SCRG1: variants seen among roughly 807,000 people sequenced by gnomAD.
The protein encoded by SCRG1 is stimulator of chondrogenesis 1, also known as scrapie-responsive protein 1.
Under a neutral mutation model 7.7 loss-of-function variants are expected in SCRG1, and 3 were observed. That is an observed-to-expected ratio of 0.39 (90% CI 0.18 to 1.01). The LOEUF (loss-of-function observed/expected upper bound fraction) is 1.01. Ranked by LOEUF, SCRG1 falls within the 50% of genes least tolerant of loss-of-function variation. The pLI is 0.36. For synonymous variants in SCRG1, 46 were observed against 41.2 expected, an observed-to-expected ratio of 1.12 and a Z score of -0.44; for missense variants, 110 against 117.2, an observed-to-expected ratio of 0.94 and a Z score of 0.28.
the SCRG1 span, among the ~76,000 whole-genome samples, chr4:173,471,212 T>C: frequency 6.6e-6 from 1 of 152,214 alleles, no homozygotes; most frequent in African/African-American, 2.4e-5. Context: ...TCATTCTGTA[T>C]AATGGCAAGC....
At chr4:173,477,192 C>G in the SCRG1 span, among the ~76,000 whole-genome samples, 3 of 152,148 alleles carry the variant, frequency 2.0e-5, no homozygotes, top group East Asian at 3.9e-4. Flanking sequence ...ATGCCTGCTG[C>G]TCACTTATCT....
upstream of SCRG1, among the ~76,000 whole-genome samples, chr4:173,409,831 C>T (rs567931019): frequency 4.6e-4 from 70 of 152,140 alleles, no homozygotes; most frequent in Admixed American, 4.6e-3. Flanking sequence ...TCAAGTGATC[C>T]GTCCGCCTCG....
chr4:173,401,436 G>A (rs1739760337), upstream of SCRG1, among the ~76,000 whole-genome samples: 1 of 152,142 alleles, frequency 6.6e-6, no homozygotes, highest in Non-Finnish European at 1.5e-5. Flanking sequence ...CTAAACAGAG[G>A]TATGGTGCCA....
At chr4:173,516,109 C>T in the SCRG1 span, among the ~76,000 whole-genome samples, 20 of 152,128 alleles carry the variant, frequency 1.3e-4, no homozygotes, top group Non-Finnish European at 2.5e-4. Context: ...TCGTCCTGAC[C>T]CGATAGCCAC....
At chr4:173,423,640 T>A in the SCRG1 span, among the ~76,000 whole-genome samples, 1 of 151,978 alleles carries the variant, frequency 6.6e-6, no homozygotes, top group African/African-American at 2.4e-5. Context: ...ATAATTCTCT[T>A]TTTTTGGTCT....
the SCRG1 span, among the ~76,000 whole-genome samples, chr4:173,417,558 G>T: frequency 6.6e-6 from 1 of 152,092 alleles, no homozygotes; most frequent in African/African-American, 2.4e-5. Flanking sequence ...ATGACCTCAT[G>T]ATCTCATTTC....
chr4:173,416,812 A>C, the SCRG1 span, among the ~76,000 whole-genome samples: 1 of 151,970 alleles, frequency 6.6e-6, no homozygotes, highest in Non-Finnish European at 1.5e-5. Flanking sequence ...AGGAACCATC[A>C]GCTGCAAGAG....
At chr4:173,456,200 A>C in the SCRG1 span, among the ~76,000 whole-genome samples, 1 of 152,054 alleles carries the variant, frequency 6.6e-6, no homozygotes, top group African/African-American at 2.4e-5. Context: ...CAACCCTAGG[A>C]CTCTGTGATT....
At chr4:173,434,831 T>C in the SCRG1 span, among the ~76,000 whole-genome samples, 3 of 152,028 alleles carry the variant, frequency 2.0e-5, no homozygotes, top group South Asian at 6.3e-4. Context: ...ACTCCGTCTC[T>C]AAATAAATAA....
chr4:173,454,070 T>C, the SCRG1 span, among the ~76,000 whole-genome samples: 2 of 106,776 alleles, frequency 1.9e-5, no homozygotes, highest in South Asian at 2.9e-4. Context: ...AGAACGAGAC[T>C]CCGTCTAAAA....
chr4:173,464,482 G>A, the SCRG1 span, among the ~76,000 whole-genome samples: 1 of 152,148 alleles, frequency 6.6e-6, no homozygotes, highest in African/African-American at 2.4e-5. Context: ...TATCAGAATA[G>A]TACCCTTATA....
At chr4:173,498,075 G>A in the SCRG1 span, among the ~76,000 whole-genome samples, 1 of 152,186 alleles carries the variant, frequency 6.6e-6, no homozygotes, top group African/African-American at 2.4e-5. Context: ...GAAAGTATCA[G>A]TTGAATACTA....
chr4:173,470,242 T>G, the SCRG1 span, among the ~76,000 whole-genome samples: 1 of 151,430 alleles, frequency 6.6e-6, no homozygotes, highest in Non-Finnish European at 1.5e-5. Context: ...GTATAAACTA[T>G]TATAAGAACA....
At chr4:173,494,921 C>T in the SCRG1 span, among the ~76,000 whole-genome samples, 1 of 152,138 alleles carries the variant, frequency 6.6e-6, no homozygotes, top group South Asian at 2.1e-4. Context: ...ACCTATTCTG[C>T]GTAAACTTCT....
chr4:173,395,695 A>C (rs1011737943), intron 1 of SCRG1, among the ~76,000 whole-genome samples: 2 of 152,232 alleles, frequency 1.3e-5, no homozygotes, highest in Admixed American at 1.3e-4. Flanking sequence ...AATCTGGCCT[A>C]CAAGAACTGT....
At chr4:173,453,725 T>A in the SCRG1 span, among the ~76,000 whole-genome samples, 16 of 152,214 alleles carry the variant, frequency 1.1e-4, no homozygotes, top group African/African-American at 3.4e-4. Context: ...TAACTATGTA[T>A]GCCACGTGCT....
the SCRG1 span, among the ~76,000 whole-genome samples, chr4:173,454,394 G>T: frequency 6.6e-6 from 1 of 152,118 alleles, no homozygotes; most frequent in Non-Finnish European, 1.5e-5. Flanking sequence ...GAGGTTAGGG[G>T]CAAGGCAAGG....
At chr4:173,480,786 A>G in the SCRG1 span, among the ~76,000 whole-genome samples, 1 of 152,074 alleles carries the variant, frequency 6.6e-6, no homozygotes, top group Non-Finnish European at 1.5e-5. Flanking sequence ...ATGTATGCTG[A>G]AGTACTGGAG....
chr4:173,497,599 G>A, the SCRG1 span, among the ~76,000 whole-genome samples: 2 of 142,910 alleles, frequency 1.4e-5, no homozygotes. Flanking sequence ...ATGGCAGAGA[G>A]TCCTTGAGTC....
Sources: allele counts gnomAD v4.1 joint callset (sites outside exome capture counted in the v4.1 genomes callset), GRCh38; gene constraint gnomAD v4.1.1; transcripts MANE v1.5; gene names NCBI Gene and HGNC (gene_info 2026-07-23, HGNC 2026-07-21).